The following MXD1 variants were observed in gnomAD, a reference collection of about 807,000 sequenced individuals.
MXD1 encodes the protein MAX dimerization protein 1.
A neutral mutation model predicts 25.7 loss-of-function variants in MXD1; 9 were observed. That is an observed-to-expected ratio of 0.35 (90% CI 0.21 to 0.61). The LOEUF is 0.61. MXD1 is among the 20% of genes least tolerant of loss of function. The pLI is 0.75. For synonymous variants in MXD1, 99 were observed against 113.9 expected (o/e 0.87, Z 0.83); for missense variants, 227 against 292.4 (o/e 0.78, Z 1.63).
chr2:69,917,384 A>G (rs1055708599), intron 2 of MXD1, among the ~76,000 whole-genome samples: 3 of 152,238 alleles, frequency 2.0e-5, no homozygotes, highest in African/African-American at 4.8e-5. Context: ...TGAAGGTGGT[A>G]GCCAGTAGTT....
At position 69,916,104 on chromosome 2, in the gene MXD1, A is replaced by G. The variant is rs1201104634; in HGVS notation, c.74-17A>G. The stretch of plus-strand genomic sequence containing the variant: ...TATTCTGGGCCCATTCATTAACTGG[A>G]TCCTCCTGTTTTCTAGAAGCTGAAC... On this transcript the variant is annotated splice_polypyrimidine_tract_variant and intron_variant, in intron 1 of 5. Transcript: ENST00000264444. 6 of 1,486,220 alleles carry G rather than the reference A, an allele frequency of 4.0e-6. No individual in the cohort carries two copies. The highest frequency in any genetic ancestry group is 1.4e-5 in the African/African-American group (1 of 72,352). 92.1% of individuals were successfully genotyped at this position (1,486,220 alleles called of 1,614,324 possible).
chr2:69,920,103 C>G (rs1677037274), intron 2 of MXD1, among the ~76,000 whole-genome samples: 1 of 152,194 alleles, frequency 6.6e-6, no homozygotes, highest in South Asian at 2.1e-4. Flanking sequence ...CTCCAACTCC[C>G]TCGTTCAAGG....
chr2:69,935,897 C>A (rs1334734271), intron 4 of MXD1, among the ~76,000 whole-genome samples: 2 of 152,166 alleles, frequency 1.3e-5, no homozygotes, highest in Non-Finnish European at 2.9e-5. Context: ...AGGTGCAAAT[C>A]AACACGTGAC....
At chr2:69,917,837 AAAAT>A (rs891320579) in intron 2 of MXD1, among the ~76,000 whole-genome samples, 9 of 122,956 alleles carry the variant, frequency 7.3e-5, no homozygotes, top group African/African-American at 8.1e-5. Context: ...CAAAAAAAAA[AAAAT>A]AAAGGCTACA....
intron 2 of MXD1, among the ~76,000 whole-genome samples, chr2:69,920,856 G>A (rs1558567990): frequency 6.6e-6 from 1 of 152,158 alleles, no homozygotes; most frequent in Non-Finnish European, 1.5e-5. Flanking sequence ...ATGACTTTAT[G>A]GTAACTTGTC....
Position 69,915,351 on chromosome 2 carries a change from GA to G in MXD1, c.23del (p.Asn8ThrfsTer37). The G allele has an allele frequency of 7.7e-7, 1 of 1,302,536 alleles. No homozygotes were observed. Among genetic ancestry groups the G allele is most frequent in the Non-Finnish European group, 9.8e-7 (1 of 1,016,240 alleles). The allele number at this position is 1,302,536 out of a possible 1,614,324, so 80.7% of individuals were successfully genotyped here. MAAAVRM[N>X]IQMLLEAADY... Reference sequence around the variant, plus strand: ...GCAGAATGGCGGCGGCGGTTCGGATGAACATCCAGATGCTGCTGGAGGCGGC... The same window carrying G: ...GCAGAATGGCGGCGGCGGTTCGGATGACATCCAGATGCTGCTGGAGGCGGC... On this transcript the variant is annotated frameshift_variant, in exon 1 of 6. Transcript: ENST00000264444. LOFTEE classifies it high-confidence loss of function. This position sits in a 1 kb window ranked among gnomAD's most constrained non-coding sequence, Gnocchi z 5.8.
In MXD1 at chr2:69,916,238, T is replaced by G. The variant is rs978970849; in HGVS notation, c.173+18T>G. The G allele has an allele frequency of 7.0e-7, 1 of 1,431,854 alleles. No homozygotes were observed. The highest frequency in any genetic ancestry group is 9.8e-7 in the Non-Finnish European group (1 of 1,018,978). The allele number at this position is 1,431,854 out of a possible 1,614,324, so 88.7% of individuals were successfully genotyped here. A position where few individuals can be genotyped will look rare whatever the true frequency, so the allele number is the denominator to read the frequency against. On this transcript the variant is annotated intron_variant, in intron 2 of 5. Coordinates refer to ENST00000264444, the MANE Select transcript of MXD1 (RefSeq NM_002357.4). ...AGTAGCAGGTAATTTGGTAAATACTTCTTTCTGTCTTTTAGATTATATTGT... is the reference window on the plus strand; with the variant it reads ...AGTAGCAGGTAATTTGGTAAATACTGCTTTCTGTCTTTTAGATTATATTGT...
intron 2 of MXD1, among the ~76,000 whole-genome samples, chr2:69,919,581 G>A (rs993793118): frequency 1.3e-5 from 2 of 152,034 alleles, no homozygotes; most frequent in African/African-American, 4.8e-5. Flanking sequence ...CTGACCTCAA[G>A]TGATCCACCC....
intron 3 of MXD1, among the ~76,000 whole-genome samples, chr2:69,932,131 C>T (rs755468516): frequency 1.3e-5 from 2 of 151,992 alleles, no homozygotes; most frequent in African/African-American, 2.4e-5. Context: ...AGAGCTGAGA[C>T]GGGTGTTTGT....
rs536766604 is a variant in MXD1, at chr2:69,915,247, T to C, written c.-84T>C. ...ACAGCGGGCTCCACAGCGGGCTCCA[T>C]AGCGGGCTCCACAGCGGTCCGGCGG... On this transcript the variant is annotated 5_prime_UTR_variant, in exon 1 of 6. Coordinates refer to ENST00000264444, the MANE Select transcript of MXD1 (RefSeq NM_002357.4). The surrounding 1 kb of genome is among the most constrained non-coding windows in gnomAD (Gnocchi z 5.8). The C allele has an allele frequency of 1.4e-4, 173 of 1,209,840 alleles. No homozygotes were observed. Among genetic ancestry groups the C allele is most frequent in the Non-Finnish European group, 1.7e-4 (161 of 942,712 alleles). The allele number at this position is 1,209,840 out of a possible 1,614,324, so 74.9% of individuals were successfully genotyped here.
chr2:69,937,361 A>G lies in MXD1; in HGVS notation c.445A>G (p.Thr149Ala), dbSNP rs777357142. The stretch of plus-strand genomic sequence containing the variant: ...GATCCGGATGGACAGCATCGGCTCC[A>G]CCGTCTCCTCGGAGCGCTCCGACTC... ...ERIRMDSIGSTVSSERSDSDR... is the reference protein window; with the variant it reads ...ERIRMDSIGSAVSSERSDSDR... The change falls in exon 5 of 6, where the codon ACC becomes GCC. Residue 149 changes from threonine to alanine, a missense_variant. Transcript: ENST00000264444. 5.6e-6 allele frequency: 9 copies of G among 1,613,416 alleles called. No individual in the cohort carries two copies. The South Asian group carries it at 9.9e-5, about 18-fold the overall frequency.
chr2:69,935,545 C>G, intron 4 of MXD1, 80 bp downstream of exon 4: 1 of 963,430 alleles, frequency 1.0e-6, no homozygotes, highest in Non-Finnish European at 1.7e-6. Flanking sequence ...CAGGACAGTC[C>G]TCTCCCCTGA....
At chr2:69,937,487 AG>A in intron 5 of MXD1, 93 bp downstream of exon 5, 1 of 1,241,516 alleles carries the variant, frequency 8.1e-7, no homozygotes. Context: ...GAGTGTAAGA[AG>A]AACTAAGACA....
intron 2 of MXD1, among the ~76,000 whole-genome samples, chr2:69,917,533 C>G (rs145335617): frequency 6.6e-6 from 1 of 152,192 alleles, no homozygotes; most frequent in African/African-American, 2.4e-5. Flanking sequence ...TGAGGCCTTT[C>G]AGTTAATTTT....
chr2:69,935,457 C>T lies in MXD1; in HGVS notation c.310C>T (p.His104Tyr). 1 of 1,608,728 alleles carries T rather than the reference C, an allele frequency of 6.2e-7. No homozygotes were observed. The highest frequency in any genetic ancestry group is 8.5e-7 in the Non-Finnish European group (1 of 1,175,106). The change falls in exon 4 of 6, where the codon CAC becomes TAC. Residue 104 changes from histidine (H) to tyrosine (Y), a missense_variant. Coordinates refer to ENST00000264444, the MANE Select transcript of MXD1 (RefSeq NM_002357.4). The stretch of plus-strand genomic sequence containing the variant: ...GAGTTTATTAACAAAAGCCAAATTG[C>T]ACATAAAGGTAAGTGTATTGTTGGG... ...TLSLLTKAKL[H>Y]IKKLEDCDRK... is the part of the protein sequence containing the mutation.
chr2:69,935,830 A>G (rs752162316), intron 4 of MXD1, among the ~76,000 whole-genome samples: 5 of 152,170 alleles, frequency 3.3e-5, no homozygotes, highest in Non-Finnish European at 5.9e-5. Flanking sequence ...AGGTCTCCCT[A>G]TATCCCTCTG....
At position 69,940,975 on chromosome 2, in the gene MXD1, A is replaced by C. The variant is rs1352656081; in HGVS notation, c.*2691A>C. The C allele has an allele frequency of 1.3e-5, 2 of 152,512 alleles. No individual in the cohort carries two copies. The highest frequency in any genetic ancestry group is 2.9e-5 in the Non-Finnish European group (2 of 67,994). 9.4% of individuals were successfully genotyped at this position (152,512 alleles called of 1,614,324 possible). Reference sequence around the variant, plus strand: ...GACTGCTAAGAGCTATAGTCTTTTTAGTTGTTTTGTCTTTTTAAGCAAGAT... The same window carrying C: ...GACTGCTAAGAGCTATAGTCTTTTTCGTTGTTTTGTCTTTTTAAGCAAGAT... On this transcript the variant is annotated 3_prime_UTR_variant, in exon 6 of 6. Transcript: ENST00000264444.
intron 3 of MXD1, 91 bp downstream of exon 3, chr2:69,921,856 C>A: frequency 8.0e-7 from 1 of 1,246,402 alleles, no homozygotes; most frequent in Non-Finnish European, 1.1e-6. Context: ...TTTGACTCTT[C>A]CCACTAGTAG....
At chr2:69,924,739 G>T (rs566277857) in intron 3 of MXD1, among the ~76,000 whole-genome samples, 2 of 106,904 alleles carry the variant, frequency 1.9e-5, no homozygotes, top group East Asian at 5.5e-4. Context: ...TAAAAAGATT[G>T]CCATGGCTCT....
Sources: allele counts gnomAD v4.1 joint callset (sites outside exome capture counted in the v4.1 genomes callset), GRCh38; gene constraint gnomAD v4.1.1; non-coding constraint Gnocchi (gnomAD v3.1); transcripts MANE v1.5; gene names NCBI Gene and HGNC (gene_info 2026-07-23, HGNC 2026-07-21).